Variants in PTPRG observed in about 807,000 individuals in gnomAD.
PTPRG encodes the protein protein tyrosine phosphatase receptor type G.
In PTPRG, 102 loss-of-function variants were observed where a neutral mutation model predicts 165.3. The ratio of observed to expected loss-of-function variants is 0.62; its 90% CI spans 0.53 to 0.73. PTPRG has a LOEUF of 0.73. Ranked by LOEUF, PTPRG falls within the 30% of genes least tolerant of loss-of-function variation. The pLI is 0.00. For missense variants in PTPRG, 1,866 were observed against 1,861.4 expected (o/e 1.00, Z -0.05); for synonymous variants, 675 against 669.5 (o/e 1.01, Z -0.13).
At chr3:61,748,337 G>A (rs1217265996) in intron 1 of PTPRG, among the ~76,000 whole-genome samples, 1 of 152,144 alleles carries the variant, frequency 6.6e-6, no homozygotes, top group Non-Finnish European at 1.5e-5. Context: ...GTGACCTGGG[G>A]CCAGTTACTT....
At chr3:61,892,369 G>A (rs914608324) in intron 2 of PTPRG, among the ~76,000 whole-genome samples, 9 of 152,160 alleles carry the variant, frequency 5.9e-5, no homozygotes, top group African/African-American at 1.9e-4. Context: ...TGCACACCAC[G>A]ATGCCCAGCT....
intron 4 of PTPRG, among the ~76,000 whole-genome samples, chr3:62,038,486 C>G (rs1700021709): frequency 6.6e-6 from 1 of 152,196 alleles, no homozygotes; most frequent in Non-Finnish European, 1.5e-5. Context: ...CCGCCTCAAC[C>G]TCCCAGGCTC....
At chr3:62,247,251 C>T (rs1701307313) in intron 15 of PTPRG, among the ~76,000 whole-genome samples, 1 of 152,052 alleles carries the variant, frequency 6.6e-6, no homozygotes, top group African/African-American at 2.4e-5. Context: ...GTGGAGCTAA[C>T]ACTGGAATTA....
At chr3:62,281,474 G>A (rs969134122) in intron 26 of PTPRG, 89 bp from the exon 27 acceptor site, 10 of 1,181,672 alleles carry the variant, frequency 8.5e-6, no homozygotes, top group Middle Eastern at 2.4e-4. Context: ...GCTTGAGAGG[G>A]ATGGGAAATG....
At chr3:61,928,098 A>G (rs1407803860) in intron 2 of PTPRG, among the ~76,000 whole-genome samples, 2 of 152,314 alleles carry the variant, frequency 1.3e-5, no homozygotes, top group Admixed American at 6.5e-5. Flanking sequence ...CTCTTCTGCT[A>G]TAAGGGGTAT....
chr3:61,774,427 G>A (rs942623164), intron 2 of PTPRG, among the ~76,000 whole-genome samples: 8 of 152,132 alleles, frequency 5.3e-5, no homozygotes, highest in Middle Eastern at 3.2e-3. Flanking sequence ...TTATATATAC[G>A]AAATGTGAGA....
At chr3:62,148,185 G>A (rs1277707799) in intron 6 of PTPRG, among the ~76,000 whole-genome samples, 1 of 152,050 alleles carries the variant, frequency 6.6e-6, no homozygotes, top group African/African-American at 2.4e-5. Context: ...CTGAGATGGG[G>A]GGCTCAGGCG....
At chr3:61,781,588 G>C (rs2034545694) in intron 2 of PTPRG, among the ~76,000 whole-genome samples, 1 of 152,050 alleles carries the variant, frequency 6.6e-6, no homozygotes, top group Admixed American at 6.6e-5. Flanking sequence ...AGGCAAACCA[G>C]ATTTGTCTCT....
intron 6 of PTPRG, among the ~76,000 whole-genome samples, chr3:62,141,896 C>G (rs1366325721): frequency 2.0e-5 from 3 of 151,294 alleles, no homozygotes; most frequent in Non-Finnish European, 2.9e-5. Flanking sequence ...GCAAAACTGT[C>G]TCAAAAAAAA....
At chr3:61,832,216 C>T (rs781554738) in intron 2 of PTPRG, among the ~76,000 whole-genome samples, 3 of 152,230 alleles carry the variant, frequency 2.0e-5, no homozygotes, top group South Asian at 2.1e-4. Context: ...CTGTGCTTTT[C>T]GTTGTGACAT....
intron 4 of PTPRG, among the ~76,000 whole-genome samples, chr3:62,013,038 T>C (rs896246301): frequency 2.0e-5 from 3 of 152,010 alleles, no homozygotes; most frequent in African/African-American, 7.2e-5. Context: ...TTAAAAGAGG[T>C]AAAAAGGAAG....
At chr3:62,177,288 A>G (rs1705462880) in intron 8 of PTPRG, among the ~76,000 whole-genome samples, 2 of 152,120 alleles carry the variant, frequency 1.3e-5, no homozygotes, top group African/African-American at 4.8e-5. Flanking sequence ...CCCTGTCTCA[A>G]AACATAATAG....
At chr3:61,614,154 A>G (rs952455071) in intron 1 of PTPRG, among the ~76,000 whole-genome samples, 1 of 151,768 alleles carries the variant, frequency 6.6e-6, no homozygotes, top group South Asian at 2.1e-4. Context: ...TTCCTCACTC[A>G]CTCACTCACT....
chr3:61,909,850 G>T (rs542630389), intron 2 of PTPRG, among the ~76,000 whole-genome samples: 1 of 152,144 alleles, frequency 6.6e-6, no homozygotes, highest in African/African-American at 2.4e-5. Context: ...GATTTTTATC[G>T]CTGATAAATA....
At chr3:61,647,960 T>TACTGAC (rs1397069432) in intron 1 of PTPRG, among the ~76,000 whole-genome samples, 2 of 152,178 alleles carry the variant, frequency 1.3e-5, no homozygotes, top group Admixed American at 1.3e-4. Context: ...CTTGTCTATC[T>TACTGAC]ACTGACACTC....
rs2037506791 is a variant in PTPRG at position 61,869,589 on chromosome 3, C to T, written c.191-120036C>T. Among the ~76,000 whole-genome samples, 2 of 151,582 alleles carry T rather than the reference C, an allele frequency of 1.3e-5. 1 individual carries two copies. The highest frequency in any genetic ancestry group is 1.3e-4 in the Admixed American group (2 of 15,208). On this transcript the variant is annotated intron_variant, in intron 2 of 29. Transcript: ENST00000474889. Reference sequence around the variant, plus strand: ...CTCCCCTCCCCTCCCCTCCCTTCACCTCTTTGTCTGACAGAGTCTTACTCT... The same window carrying T: ...CTCCCCTCCCCTCCCCTCCCTTCACTTCTTTGTCTGACAGAGTCTTACTCT...
intron 1 of PTPRG, among the ~76,000 whole-genome samples, chr3:61,640,433 C>T (rs1702031516): frequency 6.6e-6 from 1 of 152,192 alleles, no homozygotes. Context: ...TCTTCTTTCT[C>T]CTGATGAACA....
chr3:61,786,202 GGTT>G (rs2034696266), intron 2 of PTPRG, among the ~76,000 whole-genome samples: 1 of 152,112 alleles, frequency 6.6e-6, no homozygotes, highest in Non-Finnish European at 1.5e-5. Flanking sequence ...CTGTTATGGT[GGTT>G]GTTCAGAAAT....
intron 2 of PTPRG, among the ~76,000 whole-genome samples, chr3:61,934,065 T>A (rs532078712): frequency 6.6e-6 from 1 of 152,342 alleles, no homozygotes; most frequent in South Asian, 2.1e-4. Context: ...TTCCTCACTT[T>A]GTGGGGACAT....
Sources: allele counts gnomAD v4.1 joint callset (sites outside exome capture counted in the v4.1 genomes callset), GRCh38; gene constraint gnomAD v4.1.1; transcripts MANE v1.5; gene names NCBI Gene and HGNC (gene_info 2026-07-23, HGNC 2026-07-21).